Variants in HPCAL1 observed in about 807,000 individuals in gnomAD.
The protein encoded by HPCAL1 is hippocalcin-like protein 1.
Under a neutral mutation model 17.1 loss-of-function variants are expected in HPCAL1, and 8 were observed. The observed-to-expected ratio is 0.47, with a 90% CI of 0.27 to 0.84. HPCAL1 has a LOEUF of 0.84. Ranked by LOEUF, HPCAL1 falls within the 40% of genes least tolerant of loss-of-function variation. The pLI is 0.13. For synonymous variants in HPCAL1, 112 were observed against 111.4 expected (o/e 1.01, Z -0.03); for missense variants, 165 against 271.1 (o/e 0.61, Z 2.75).
chr2:10,303,836 C>T (rs1273641509), intron 1 of HPCAL1: 3 of 152,298 alleles, frequency 2.0e-5, no homozygotes, highest in African/African-American at 7.2e-5. Context: ...TCCCCGGTCG[C>T]GGTTTGCTTC....
At position 10,420,021 on chromosome 2, in the gene HPCAL1, G is replaced by C; in HGVS notation, c.264G>C (p.Ala88=). The change falls in exon 3 of 5, where the codon GCG becomes GCC. Residue 88 remains alanine, a synonymous_variant. Coordinates refer to ENST00000307845, the MANE Select transcript of HPCAL1 (RefSeq NM_002149.4). The part of the protein sequence containing the change: ...GTIDFREFII[A]LSVTSRGKLE... ...TCGACTTCCGGGAGTTCATCATTGC[G>C]CTGAGCGTGACCTCGCGGGGCAAGC... 1 of 1,613,980 alleles carries C rather than the reference G, an allele frequency of 6.2e-7. No individual in the cohort carries two copies. Among genetic ancestry groups the C allele is most frequent in the Non-Finnish European group, 8.5e-7 (1 of 1,180,024 alleles).
At chr2:10,308,832 C>A (rs1339679764) in intron 1 of HPCAL1, among the ~76,000 whole-genome samples, 1 of 152,138 alleles carries the variant, frequency 6.6e-6, no homozygotes, top group East Asian at 1.9e-4. Context: ...TACATACATA[C>A]CTTAACTTGT....
At chr2:10,392,910 A>G (rs1668799236) in intron 1 of HPCAL1, among the ~76,000 whole-genome samples, 1 of 152,216 alleles carries the variant, frequency 6.6e-6, no homozygotes, top group African/African-American at 2.4e-5. Context: ...TCAGACTCCC[A>G]GTTGGGGAGT....
chr2:10,396,349 C>A (rs1403217160), intron 1 of HPCAL1, among the ~76,000 whole-genome samples: 1 of 152,216 alleles, frequency 6.6e-6, no homozygotes, highest in East Asian at 1.9e-4. Context: ...CTGAAGGGAG[C>A]AGGGCACAGT....
rs2125497093 is a variant in HPCAL1, at chr2:10,365,133, A to G, written c.-110-31702A>G. On this transcript the variant is annotated intron_variant, in intron 1 of 4. Transcript: ENST00000307845. The surrounding 1 kb of genome is among the most constrained non-coding windows in gnomAD (Gnocchi z 4.8). ...TCCCCATCCCTAAATGAGAGTGTCC[A>G]CACCACCCGCCCTGAGTTCTGAACT... Among the ~76,000 whole-genome samples the G allele has an allele frequency of 6.6e-6, 1 of 152,224 alleles. No individual in the cohort carries two copies. The highest frequency in any genetic ancestry group is 2.1e-4 in the South Asian group (1 of 4,820).
At chr2:10,412,504 G>T (rs1174259775) in intron 2 of HPCAL1, among the ~76,000 whole-genome samples, 1 of 152,216 alleles carries the variant, frequency 6.6e-6, no homozygotes, top group African/African-American at 2.4e-5. Context: ...GTGCAGCAAG[G>T]GCTGCCCTGA....
At chr2:10,353,711 G>A (rs1665971995) in intron 1 of HPCAL1, among the ~76,000 whole-genome samples, 2 of 152,226 alleles carry the variant, frequency 1.3e-5, no homozygotes, top group African/African-American at 2.4e-5. Context: ...TGGGATTATA[G>A]GCGTGTGCCG....
At chr2:10,408,406 C>T (rs1670108331) in intron 2 of HPCAL1, among the ~76,000 whole-genome samples, 1 of 152,196 alleles carries the variant, frequency 6.6e-6, no homozygotes, top group Non-Finnish European at 1.5e-5. Context: ...GCCTGGAGCC[C>T]CTCCAGTGGG....
chr2:10,342,573 G>C lies in HPCAL1; in HGVS notation c.-111+39396G>C, dbSNP rs140402204. Among the ~76,000 whole-genome samples, 932 of 152,338 alleles carry C rather than the reference G, an allele frequency of 6.1e-3. 7 individuals are homozygous for C. Among genetic ancestry groups the C allele is most frequent in the African/African-American group, 0.018 (750 of 41,576 alleles). On this transcript the variant is annotated intron_variant, in intron 1 of 4. Transcript: ENST00000307845. The surrounding 1 kb of genome is among the most constrained non-coding windows in gnomAD (Gnocchi z 4.1). ...GGACTTTGCAGGATGCCAGACTTTT[G>C]GCAGGGGAGGAAATTGAGGTGAAAG... is the stretch of plus-strand genomic sequence containing the variant.
At chr2:10,408,176 C>T (rs542708734) in intron 2 of HPCAL1, among the ~76,000 whole-genome samples, 1 of 152,338 alleles carries the variant, frequency 6.6e-6, no homozygotes, top group South Asian at 2.1e-4. Context: ...TTCCTTCTCA[C>T]CAGCTTCATT....
At chr2:10,373,844 T>A (rs1374690506) in intron 1 of HPCAL1, among the ~76,000 whole-genome samples, 1 of 152,168 alleles carries the variant, frequency 6.6e-6, no homozygotes, top group African/African-American at 2.4e-5. Context: ...GCCCCAAGGA[T>A]CTTACCAAGG....
At chr2:10,349,917 T>C (rs1430262934) in intron 1 of HPCAL1, among the ~76,000 whole-genome samples, 2 of 152,078 alleles carry the variant, frequency 1.3e-5, no homozygotes, top group Admixed American at 1.3e-4. Context: ...TTTTCTGAGA[T>C]TCTCAGTTTC....
rs990422803 is a variant in HPCAL1 at position 10,330,973 on chromosome 2, G to A, written c.-111+27796G>A. Reference sequence around the variant, plus strand: ...TTCGGAGAGCCTTAGCGGGAAGCCTGTTGCTTGTGCCTCCTTTGCAGCCCC... The same window carrying A: ...TTCGGAGAGCCTTAGCGGGAAGCCTATTGCTTGTGCCTCCTTTGCAGCCCC... On this transcript the variant is annotated intron_variant, in intron 1 of 4. Transcript: ENST00000307845. The surrounding 1 kb of genome is among the most constrained non-coding windows in gnomAD (Gnocchi z 4.2). Among the ~76,000 whole-genome samples the A allele has an allele frequency of 3.3e-5, 5 of 152,142 alleles. No homozygotes were observed. The highest frequency in any genetic ancestry group is 3.3e-4 in the Admixed American group (5 of 15,272).
In HPCAL1 at chr2:10,400,245, G is replaced by A. The variant is rs143158037; in HGVS notation, c.-25+3325G>A. 4.9e-3 allele frequency among the ~76,000 whole-genome samples: 750 copies of A among 152,338 alleles called. 8 individuals carry two copies. Among genetic ancestry groups the A allele is most frequent in the African/African-American group, 0.017 (706 of 41,586 alleles). Reference sequence around the variant, plus strand: ...GTGGGTCACACCTGAGGGGCAGGACGCTGGCAACCCCGACCGCTGAGGAAG... The same window carrying A: ...GTGGGTCACACCTGAGGGGCAGGACACTGGCAACCCCGACCGCTGAGGAAG... On this transcript the variant is annotated intron_variant, in intron 2 of 4. Coordinates refer to ENST00000307845, the MANE Select transcript of HPCAL1 (RefSeq NM_002149.4).
rs1662507559 is a variant in HPCAL1, at chr2:10,304,711, T to TC, written c.-111+1535dup. Among the ~76,000 whole-genome samples the TC allele has an allele frequency of 6.6e-6, 1 of 152,180 alleles. No homozygotes were observed. Among genetic ancestry groups the TC allele is most frequent in the East Asian group, 1.9e-4 (1 of 5,196 alleles). On this transcript the variant is annotated intron_variant, in intron 1 of 4. Transcript: ENST00000307845. This position sits in a 1 kb window ranked among gnomAD's most constrained non-coding sequence, Gnocchi z 4.1. ...CTGGCTCGGACGCAGCAAGGCCAGC[T>TC]CTAGGGGTCGGGTGGCTCTCGGCCA...
chr2:10,364,129 G>A (rs900328644), intron 1 of HPCAL1, among the ~76,000 whole-genome samples: 2 of 152,200 alleles, frequency 1.3e-5, no homozygotes, highest in African/African-American at 4.8e-5. Flanking sequence ...TAGTGACCTT[G>A]TCCTCCTGCC....
chr2:10,399,706 C>A (rs191762163), intron 2 of HPCAL1, among the ~76,000 whole-genome samples: 283 of 152,204 alleles, frequency 1.9e-3, no homozygotes, highest in African/African-American at 6.5e-3. Context: ...AAGGGCCTTC[C>A]GCTTCTCTCT....
chr2:10,385,554 C>T (rs1392888756), intron 1 of HPCAL1, among the ~76,000 whole-genome samples: 3 of 152,156 alleles, frequency 2.0e-5, no homozygotes, highest in East Asian at 1.9e-4. Flanking sequence ...GCTGATTTCA[C>T]TTGCGGATGC....
rs1372601840 is a variant in HPCAL1, at chr2:10,365,973, A to G, written c.-110-30862A>G. Among the ~76,000 whole-genome samples the G allele has an allele frequency of 6.6e-6, 1 of 152,176 alleles. No individual in the cohort carries two copies. Among genetic ancestry groups the G allele is most frequent in the African/African-American group, 2.4e-5 (1 of 41,438 alleles). ...CATGAGGAGACGCTCACTCCCCCAG[A>G]CACACTGAGTACTCTTTCCTCAAGC... is the stretch of plus-strand genomic sequence containing the variant. On this transcript the variant is annotated intron_variant, in intron 1 of 4. Coordinates refer to ENST00000307845, the MANE Select transcript of HPCAL1 (RefSeq NM_002149.4). The surrounding 1 kb of genome is among the most constrained non-coding windows in gnomAD (Gnocchi z 4.8).
Sources: allele counts gnomAD v4.1 joint callset (sites outside exome capture counted in the v4.1 genomes callset), GRCh38; gene constraint gnomAD v4.1.1; non-coding constraint Gnocchi (gnomAD v3.1); transcripts MANE v1.5; gene names NCBI Gene and HGNC (gene_info 2026-07-23, HGNC 2026-07-21).